The following KIRREL3 variants were observed in gnomAD, a reference collection of about 807,000 sequenced individuals.
The protein encoded by KIRREL3 is kin of IRRE-like protein 3.
In KIRREL3, 36 loss-of-function variants were observed where a neutral mutation model predicts 89.7. That is an observed-to-expected ratio of 0.40 (90% confidence interval 0.31 to 0.53). The LOEUF is 0.53. Ranked by LOEUF, KIRREL3 falls within the 20% of genes least tolerant of loss-of-function variation. The pLI, the probability that KIRREL3 is intolerant of heterozygous loss-of-function variation, is 0.49. For synonymous variants in KIRREL3, 445 were observed against 441.4 expected (o/e 1.01, Z -0.10); for missense variants, 864 against 1,056.6 (o/e 0.82, Z 2.53).
chr11:126,450,261 CTGTGTGTGCA>C (rs1379239361), intron 7 of KIRREL3, among the ~76,000 whole-genome samples: 1 of 146,450 alleles, frequency 6.8e-6, no homozygotes, highest in Non-Finnish European at 1.5e-5. Flanking sequence ...GTGAGTGTGC[CTGTGTGTGCA>C]TGTGTGAGCA....
intron 1 of KIRREL3, among the ~76,000 whole-genome samples, chr11:126,907,939 T>G (rs1170784430): frequency 6.6e-6 from 1 of 152,168 alleles, no homozygotes; most frequent in Non-Finnish European, 1.5e-5. Context: ...GGCTTGCTCC[T>G]CACTTTCTTC....
chr11:126,900,778 C>T lies in KIRREL3; in HGVS notation c.55+99677G>A, dbSNP rs1385883108. 1.3e-5 allele frequency among the ~76,000 whole-genome samples: 2 copies of T among 152,192 alleles called. No individual in the cohort carries two copies. The highest frequency in any genetic ancestry group is 2.9e-5 in the Non-Finnish European group (2 of 68,040). On this transcript the variant is annotated intron_variant, in intron 1 of 16. Transcript: ENST00000525144. The surrounding 1 kb of genome is among the most constrained non-coding windows in gnomAD (Gnocchi z 4.4). ...AGGCAAAGTATTGATTGTATATCTT[C>T]AGGGCTGTTGAGCTCTTTCAGAGTA...
In KIRREL3 at chr11:126,676,958, A is replaced by G. The variant is rs1268407413; in HGVS notation, c.56-114046T>C. Reference sequence around the variant, plus strand: ...CACCACCACACCACGCTAATTTTTAAAAAATTTTTTGTAGAGACAGGGTCT... The same window carrying G: ...CACCACCACACCACGCTAATTTTTAGAAAATTTTTTGTAGAGACAGGGTCT... On this transcript the variant is annotated intron_variant, in intron 1 of 16. Coordinates refer to ENST00000525144, the MANE Select transcript of KIRREL3 (RefSeq NM_032531.4). This position sits in a 1 kb window ranked among gnomAD's most constrained non-coding sequence, Gnocchi z 4.5. 6.6e-6 allele frequency among the ~76,000 whole-genome samples: 1 copy of G among 151,670 alleles called. No homozygotes were observed. Among genetic ancestry groups the G allele is most frequent in the Non-Finnish European group, 1.5e-5 (1 of 67,930 alleles).
intron 6 of KIRREL3, among the ~76,000 whole-genome samples, chr11:126,458,412 CATACA>C (rs1252841828): frequency 8.5e-6 from 1 of 117,916 alleles, no homozygotes; most frequent in African/African-American, 3.6e-5. Context: ...CTCAGAGAGT[CATACA>C]GTCATGCACT....
chr11:126,658,593 T>A (rs1374447175), intron 1 of KIRREL3, among the ~76,000 whole-genome samples: 2 of 152,222 alleles, frequency 1.3e-5, no homozygotes, highest in African/African-American at 4.8e-5. Context: ...CTTTTATACT[T>A]TGCCAGCCCT....
At position 126,879,951 on chromosome 11, in the gene KIRREL3, G is replaced by T. The variant is rs1565378325; in HGVS notation, c.55+120504C>A. ...TCAGTTATTCAAGAAGGAAGCCATG[G>T]TATGTACTGGGAAGTCTTGTGCCTA... On this transcript the variant is annotated intron_variant, in intron 1 of 16. Transcript: ENST00000525144. This position sits in a 1 kb window ranked among gnomAD's most constrained non-coding sequence, Gnocchi z 5.4. Among the ~76,000 whole-genome samples, 1 of 152,184 alleles carries T rather than the reference G, an allele frequency of 6.6e-6. No individual in the cohort carries two copies.
rs1406847391 is a variant in KIRREL3 at position 126,615,814 on chromosome 11, G to C, written c.56-52902C>G. Among the ~76,000 whole-genome samples, 1 of 152,188 alleles carries C rather than the reference G, an allele frequency of 6.6e-6. No individual in the cohort carries two copies. Among genetic ancestry groups the C allele is most frequent in the Non-Finnish European group, 1.5e-5 (1 of 68,024 alleles). Reference sequence around the variant, plus strand: ...GCTCTGGGATGGCAGTGCTCTCTCAGCAGTTATGGTCTTTTCCAGGTAATA... The same window carrying C: ...GCTCTGGGATGGCAGTGCTCTCTCACCAGTTATGGTCTTTTCCAGGTAATA... On this transcript the variant is annotated intron_variant, in intron 1 of 16. Transcript: ENST00000525144. The surrounding 1 kb of genome is among the most constrained non-coding windows in gnomAD (Gnocchi z 5.4).
rs140939909 is a variant in KIRREL3, at chr11:126,472,824, A to G, written c.591+485T>C. On this transcript the variant is annotated intron_variant, in intron 5 of 16. Coordinates refer to ENST00000525144, the MANE Select transcript of KIRREL3 (RefSeq NM_032531.4). ...AAGTGACACAGAGTGAGAGAGCAAA[A>G]AAAGATACAAGGAGACAAAGAGTGA... 2.2e-3 allele frequency among the ~76,000 whole-genome samples: 333 copies of G among 152,072 alleles called. 1 individual carries two copies. Among genetic ancestry groups the G allele is most frequent in the African/African-American group, 7.7e-3 (321 of 41,458 alleles).
Position 126,521,411 on chromosome 11 carries a change from T to TCAGGTGGTGCTCCCCTGA in KIRREL3, c.319_336dup (p.Ser107_Leu112dup). 6.4e-7 allele frequency: 1 copy of TCAGGTGGTGCTCCCCTGA among 1,574,754 alleles called. No individual in the cohort carries two copies. The highest frequency in any genetic ancestry group is 8.6e-7 in the Non-Finnish European group (1 of 1,160,012). ...TCTTGCAGCTCTGCCCTCAGGATCTTCAGGTGGTGCTCCCCTGACAGGTGG... is the reference window on the plus strand; with the variant it reads ...TCTTGCAGCTCTGCCCTCAGGATCTTCAGGTGGTGCTCCCCTGACAGGTGGTGCTCCCCTGACAGGTGG... On this transcript the variant is annotated inframe_insertion, in exon 4 of 17. Coordinates refer to ENST00000525144, the MANE Select transcript of KIRREL3 (RefSeq NM_032531.4). The surrounding 1 kb of genome is among the most constrained non-coding windows in gnomAD (Gnocchi z 4.1).
chr11:126,632,127 A>G (rs915776843), intron 1 of KIRREL3, among the ~76,000 whole-genome samples: 4 of 152,238 alleles, frequency 2.6e-5, no homozygotes, highest in African/African-American at 9.6e-5. Context: ...GGGGCCCAAG[A>G]ATCTGAATTT....
chr11:126,815,078 T>TA (rs1026256648), intron 1 of KIRREL3, among the ~76,000 whole-genome samples: 7 of 151,992 alleles, frequency 4.6e-5, no homozygotes, highest in African/African-American at 7.2e-5. Flanking sequence ...TGTAAAGCTT[T>TA]AAAAAAAAGA....
At chr11:126,819,089 A>G (rs1444151896) in intron 1 of KIRREL3, among the ~76,000 whole-genome samples, 2 of 146,510 alleles carry the variant, frequency 1.4e-5, no homozygotes, top group Non-Finnish European at 3.0e-5. Flanking sequence ...GAGTAGCTTT[A>G]GGTATCTGGA....
In KIRREL3 at chr11:126,776,539, G is replaced by C. The variant is rs1950174209; in HGVS notation, c.56-213627C>G. Among the ~76,000 whole-genome samples the C allele has an allele frequency of 6.6e-6, 1 of 152,154 alleles. No individual in the cohort carries two copies. Among genetic ancestry groups the C allele is most frequent in the Admixed American group, 6.5e-5 (1 of 15,274 alleles). ...TCTCTACTAGGTGTCAGAGCCGTCG[G>C]TAGGGTTAATGCAGGTCCCTTAAGA... On this transcript the variant is annotated intron_variant, in intron 1 of 16. Transcript: ENST00000525144. This position sits in a 1 kb window ranked among gnomAD's most constrained non-coding sequence, Gnocchi z 4.7.
chr11:126,818,484 C>G (rs1259131365), intron 1 of KIRREL3, among the ~76,000 whole-genome samples: 1 of 152,166 alleles, frequency 6.6e-6, no homozygotes, highest in Non-Finnish European at 1.5e-5. Context: ...GATAACATCT[C>G]TTTTACGGAG....
rs192047170 is a variant in KIRREL3, at chr11:126,608,381, C to T, written c.56-45469G>A. Among the ~76,000 whole-genome samples the T allele has an allele frequency of 7.7e-4, 118 of 152,318 alleles. No homozygotes were observed. In the East Asian group the frequency reaches 0.01, roughly 13 times the overall value. ...GGCTCCTCCTCTAGCCCCAGGCTAT[C>T]GAGCTGAATTAAGCTGCCTAAGATC... is the stretch of plus-strand genomic sequence containing the variant. On this transcript the variant is annotated intron_variant, in intron 1 of 16. Transcript: ENST00000525144. The surrounding 1 kb of genome is among the most constrained non-coding windows in gnomAD (Gnocchi z 4.9).
At chr11:126,911,937 G>A (rs1946835178) in intron 1 of KIRREL3, among the ~76,000 whole-genome samples, 1 of 142,812 alleles carries the variant, frequency 7.0e-6, no homozygotes, top group Non-Finnish European at 1.5e-5. Context: ...GAGCCGAGAT[G>A]GCACCACTGC....
intron 1 of KIRREL3, among the ~76,000 whole-genome samples, chr11:126,626,759 G>A (rs581008): frequency 0.41 from 62,251 of 152,124 alleles, 13,093 homozygotes; most frequent in South Asian, 0.51. Context: ...TTGGAAGGCC[G>A]AGGCGGGCAG....
rs1411147942 is a variant in KIRREL3 at position 126,427,380 on chromosome 11, A to G, written c.1807-1656T>C. Among the ~76,000 whole-genome samples, 1 of 141,576 alleles carries G rather than the reference A, an allele frequency of 7.1e-6. No individual in the cohort carries two copies. Among genetic ancestry groups the G allele is most frequent in the Non-Finnish European group, 1.6e-5 (1 of 64,516 alleles). The allele number at this position is 141,576 out of a possible 152,430, so 92.9% of individuals were successfully genotyped here. On this transcript the variant is annotated intron_variant, in intron 15 of 16. Coordinates refer to ENST00000525144, the MANE Select transcript of KIRREL3 (RefSeq NM_032531.4). This position sits in a 1 kb window ranked among gnomAD's most constrained non-coding sequence, Gnocchi z 5.3. ...TGACATGGAATTGGGGGAATGCACT[A>G]TAAAGGAGGCACATACAAAGTGTTT...
At position 126,446,890 on chromosome 11, in the gene KIRREL3, C is replaced by T. The variant is rs79582494; in HGVS notation, c.998-4G>A. On this transcript the variant is annotated splice_region_variant and splice_polypyrimidine_tract_variant and intron_variant, in intron 8 of 16. Transcript: ENST00000525144. ...TCTGTGGTCATCCGGGGCCCAACTGCGATGTGAGGAAGAAGAAGACAGGTT... is the reference window on the plus strand; with the variant it reads ...TCTGTGGTCATCCGGGGCCCAACTGTGATGTGAGGAAGAAGAAGACAGGTT... 282 of 1,604,738 alleles carry T rather than the reference C, an allele frequency of 1.8e-4. 1 individual carries two copies. In the African/African-American group the frequency reaches 3.0e-3, roughly 17 times the overall value.
Sources: allele counts gnomAD v4.1 joint callset (sites outside exome capture counted in the v4.1 genomes callset), GRCh38; gene constraint gnomAD v4.1.1; non-coding constraint Gnocchi (gnomAD v3.1); transcripts MANE v1.5; gene names NCBI Gene and HGNC (gene_info 2026-07-23, HGNC 2026-07-21).